AKAP13: variants seen among roughly 807,000 people sequenced by gnomAD.
AKAP13 encodes the protein A-kinase anchor protein 13.
AKAP13 carries 80 observed loss-of-function variants against 264.5 expected under a neutral mutation model. The ratio of observed to expected loss-of-function variants is 0.30; its 90% CI spans 0.25 to 0.36. AKAP13 has a LOEUF of 0.36. Ranked by LOEUF, AKAP13 falls within the 10% of genes least tolerant of loss-of-function variation. The pLI is 1.00. For synonymous variants in AKAP13, 1,380 were observed against 1,250.2 expected (o/e 1.10, Z -2.19); for missense variants, 3,712 against 3,435.2 (o/e 1.08, Z -2.01).
At chr15:85,695,895 C>T (rs537911168) in intron 17 of AKAP13, among the ~76,000 whole-genome samples, 16 of 152,268 alleles carry the variant, frequency 1.1e-4, no homozygotes, top group Admixed American at 5.2e-4. Flanking sequence ...GGACACCAGT[C>T]GGAGGTCTAT....
chr15:85,502,308 C>T (rs1313628132), intron 2 of AKAP13, among the ~76,000 whole-genome samples: 2 of 152,144 alleles, frequency 1.3e-5, no homozygotes, highest in African/African-American at 2.4e-5. Flanking sequence ...TTCATGAGCA[C>T]TACATGTGAT....
chr15:85,741,741 A>C (rs2089010999), intron 35 of AKAP13, among the ~76,000 whole-genome samples: 1 of 146,576 alleles, frequency 6.8e-6, no homozygotes, highest in Non-Finnish European at 1.5e-5. Flanking sequence ...AAAAAAAAAA[A>C]CAGTTTTTAA....
intron 27 of AKAP13, 38 bp downstream of exon 27, chr15:85,726,524 C>T: frequency 6.5e-7 from 1 of 1,544,236 alleles, no homozygotes; most frequent in Non-Finnish European, 8.9e-7. Flanking sequence ...GTATTATAAG[C>T]AGCTAGTTTA....
chr15:85,533,895 G>GCAT lies in AKAP13; in HGVS notation c.478+15_478+16insCAT. 1 of 1,547,194 alleles carries GCAT rather than the reference G, an allele frequency of 6.5e-7. No homozygotes were observed. The highest frequency in any genetic ancestry group is 8.7e-7 in the Non-Finnish European group (1 of 1,147,758). On this transcript the variant is annotated intron_variant, in intron 4 of 36. Transcript: ENST00000394518. ...GAGTTTGCATGGTGAGAATTTATATGATCTACAAACACACTTTAAGTTTGT... is the reference window on the plus strand; with the variant it reads ...GAGTTTGCATGGTGAGAATTTATATGCATATCTACAAACACACTTTAAGTTTGT...
At chr15:85,690,984 G>A (rs756809320) in intron 16 of AKAP13, among the ~76,000 whole-genome samples, 2 of 152,196 alleles carry the variant, frequency 1.3e-5, no homozygotes, top group Admixed American at 6.5e-5. Context: ...TGCTTAGCAC[G>A]TAGTAACTGT....
chr15:85,557,752 G>A (rs913199294), intron 5 of AKAP13, among the ~76,000 whole-genome samples: 9 of 152,142 alleles, frequency 5.9e-5, no homozygotes, highest in African/African-American at 2.2e-4. Context: ...CTGGATTACA[G>A]GCATGAGCCC....
intron 1 of AKAP13, among the ~76,000 whole-genome samples, chr15:85,400,939 G>A (rs2071395134): frequency 6.6e-6 from 1 of 151,216 alleles, no homozygotes. Flanking sequence ...TTGGCTTACT[G>A]CAACCTCCGC....
At position 85,736,148 on chromosome 15, in the gene AKAP13, G is replaced by C. The variant is rs1243189831; in HGVS notation, c.7557+14G>C. The C allele has an allele frequency of 6.3e-7, 1 of 1,587,134 alleles. No individual in the cohort carries two copies. Among genetic ancestry groups the C allele is most frequent in the Non-Finnish European group, 8.6e-7 (1 of 1,157,900 alleles). The stretch of plus-strand genomic sequence containing the variant: ...AGAAACAGTGAGGTAAGGACATTAT[G>C]AACTATTTAAGAAAATATGTGTTTG... On this transcript the variant is annotated intron_variant, in intron 33 of 36. Transcript: ENST00000394518.
rs1349502213 is a variant in AKAP13 at position 85,580,184 on chromosome 15, G to A, written c.2116G>A (p.Ala706Thr). The A allele has an allele frequency of 6.2e-7, 1 of 1,614,234 alleles. No individual in the cohort carries two copies. Among genetic ancestry groups the A allele is most frequent in the East Asian group, 2.2e-5 (1 of 44,892 alleles). ...RQPSSQDPPDASHCEDPQAHT... is the reference protein window; with the variant it reads ...RQPSSQDPPDTSHCEDPQAHT... The stretch of plus-strand genomic sequence containing the variant: ...ACCCAGCTCACAAGATCCACCCGAT[G>A]CCTCCCACTGTGAAGACCCACAGGC... Residue 706 changes from alanine (A) to threonine (T), a missense_variant, in exon 7 of 37, where the codon GCC becomes ACC. By Grantham distance (58) the Ala-to-Thr change is moderately conservative. Transcript: ENST00000394518.
chr15:85,515,932 A>T (rs2076583933), intron 2 of AKAP13, among the ~76,000 whole-genome samples: 1 of 88,388 alleles, frequency 1.1e-5, no homozygotes, highest in African/African-American at 5.7e-5. Flanking sequence ...GCATTTCTCC[A>T]ACATCTTTGT....
At chr15:85,540,230 C>T (rs984050928) in intron 4 of AKAP13, among the ~76,000 whole-genome samples, 3 of 152,148 alleles carry the variant, frequency 2.0e-5, no homozygotes, top group African/African-American at 7.2e-5. Context: ...TGGAGCTCCA[C>T]AGGCACAGGC....
At chr15:85,498,758 C>G (rs1596341220) in intron 2 of AKAP13, among the ~76,000 whole-genome samples, 1 of 152,172 alleles carries the variant, frequency 6.6e-6, no homozygotes, top group African/African-American at 2.4e-5. Flanking sequence ...CTGGACTTCT[C>G]TAGGGCGCTG....
chr15:85,514,156 C>G (rs988861529), intron 2 of AKAP13, among the ~76,000 whole-genome samples: 1 of 136,864 alleles, frequency 7.3e-6, no homozygotes, highest in Non-Finnish European at 1.6e-5. Context: ...GAATCTTTAC[C>G]ATATGTTTGC....
At chr15:85,410,866 T>C (rs2150869519) in intron 1 of AKAP13, among the ~76,000 whole-genome samples, 1 of 151,864 alleles carries the variant, frequency 6.6e-6, no homozygotes, top group Admixed American at 6.5e-5. Flanking sequence ...TGTAAATGGC[T>C]CTGTATTGTG....
intron 5 of AKAP13, among the ~76,000 whole-genome samples, chr15:85,566,720 G>C (rs918836421): frequency 6.6e-6 from 1 of 150,384 alleles, no homozygotes; most frequent in African/African-American, 2.4e-5. Context: ...TCTGCCTCTT[G>C]GGTTCAAGCG....
chr15:85,494,085 A>T lies in AKAP13; in HGVS notation c.33+8332A>T, dbSNP rs142722299. 6.5e-3 allele frequency among the ~76,000 whole-genome samples: 986 copies of T among 152,302 alleles called. 11 individuals are homozygous for T. The highest frequency in any genetic ancestry group is 0.022 in the African/African-American group (935 of 41,558). On this transcript the variant is annotated intron_variant, in intron 2 of 36. Coordinates refer to ENST00000394518, the MANE Select transcript of AKAP13 (RefSeq NM_007200.5). ...AAACCAGAAACAACTTTAGAGGGGGAAAGTGAACAACTACTCATACCATCT... is the reference window on the plus strand; with the variant it reads ...AAACCAGAAACAACTTTAGAGGGGGTAAGTGAACAACTACTCATACCATCT...
At chr15:85,555,086 T>C (rs2169878) in intron 5 of AKAP13, among the ~76,000 whole-genome samples, 47,153 of 151,648 alleles carry the variant, frequency 0.31, 7,487 homozygotes, top group South Asian at 0.42. Context: ...TAAAATATCT[T>C]GTGGCCCTGG....
intron 16 of AKAP13, among the ~76,000 whole-genome samples, chr15:85,689,664 C>T (rs547389731): frequency 6.6e-6 from 1 of 152,216 alleles, no homozygotes; most frequent in Admixed American, 6.5e-5. Flanking sequence ...AATGAGGAGT[C>T]TATTTTAAAA....
intron 1 of AKAP13, among the ~76,000 whole-genome samples, chr15:85,407,013 A>C (rs2071698661): frequency 6.6e-6 from 1 of 151,736 alleles, no homozygotes; most frequent in Non-Finnish European, 1.5e-5. Context: ...CAAAACAGAA[A>C]TAATATATTT....
Sources: allele counts gnomAD v4.1 joint callset (sites outside exome capture counted in the v4.1 genomes callset), GRCh38; gene constraint gnomAD v4.1.1; transcripts MANE v1.5; gene names NCBI Gene and HGNC (gene_info 2026-07-23, HGNC 2026-07-21).